The following FAT1 variants were observed in gnomAD, a reference collection of about 807,000 sequenced individuals.
FAT1 encodes the protein FAT atypical cadherin 1, also known as protocadherin Fat 1.
FAT1 carries 171 observed loss-of-function variants against 329.8 expected under a neutral mutation model. That is an observed-to-expected ratio of 0.52 (90% confidence interval 0.46 to 0.59). The LOEUF (loss-of-function observed/expected upper bound fraction) is 0.59, where lower values mean the gene tolerates loss of function less well. Ranked by LOEUF, FAT1 falls within the 20% of genes least tolerant of loss-of-function variation. FAT1 has a pLI of 0.00. For missense variants in FAT1, 5,672 were observed against 5,774.4 expected, an observed-to-expected ratio of 0.98 and a Z score of 0.57; for synonymous variants, 2,233 against 2,228.6, an observed-to-expected ratio of 1.00 and a Z score of -0.06.
rs754953243 is a variant in FAT1 at position 186,613,325 on chromosome 4, T to A, written c.9247A>T (p.Thr3083Ser). ...GCTTGCTCCTCACGATCAAGGGGGG[T>A]TGACGTTTTCAGTTCACCTACAAAC... Reference protein sequence around the residue: ...NPDTGELKTSTPLDREEQAVY... With the variant: ...NPDTGELKTSSPLDREEQAVY... The change falls in exon 13 of 27, where the codon ACC (threonine) becomes TCC (serine). Residue 3083 changes from threonine to serine, a missense_variant. Thr to Ser is a moderately conservative substitution (Grantham distance 58, BLOSUM62 1). Coordinates refer to ENST00000441802, the MANE Select transcript of FAT1 (RefSeq NM_005245.4). 6.2e-7 allele frequency: 1 copy of A among 1,613,786 alleles called. No homozygotes were observed. Among genetic ancestry groups the A allele is most frequent in the Non-Finnish European group, 8.5e-7 (1 of 1,179,806 alleles).
chr4:186,652,672 T>C (rs1741720512), intron 3 of FAT1, among the ~76,000 whole-genome samples: 1 of 152,190 alleles, frequency 6.6e-6, no homozygotes, highest in Admixed American at 6.5e-5. Flanking sequence ...GAAATGCGAC[T>C]GGCCCGTCCT....
rs1738972220 is a variant in FAT1, at chr4:186,604,062, C to T, written c.10549-85G>A. On this transcript the variant is annotated intron_variant, in intron 18 of 26. Coordinates refer to ENST00000441802, the MANE Select transcript of FAT1 (RefSeq NM_005245.4). ...TAAAAACATTTGTATTACTCAAGTT[C>T]CCAAAAAATTACTAACTGGTAGATA... 12 of 1,074,984 alleles carry T rather than the reference C, an allele frequency of 1.1e-5. No individual in the cohort carries two copies. The South Asian group carries it at 1.6e-4, about 14-fold the overall frequency. The allele number at this position is 1,074,984 out of a possible 1,614,324, so 66.6% of individuals were successfully genotyped here.
rs2126508070 is a variant in FAT1, at chr4:186,619,682, C to T, written c.6904G>A (p.Val2302Ile). The T allele has an allele frequency of 6.2e-7, 1 of 1,613,996 alleles. No individual in the cohort carries two copies. Among genetic ancestry groups the T allele is most frequent in the Non-Finnish European group, 8.5e-7 (1 of 1,179,902 alleles). ...LSEASVIGTS[V>I]VQVRATDSDS... ...GAATCGGTGGCTCTAACTTGAACAA[C>T]AGACGTTCCAATTACAGATGCCTCA... Residue 2302 changes from valine (V) to isoleucine (I), a missense_variant, in exon 10 of 27, where the codon GTT becomes ATT. By Grantham distance (29) the Val-to-Ile change is conservative (BLOSUM62 3). Transcript: ENST00000441802.
chr4:186,627,776 G>A (rs1740385716), intron 9 of FAT1, among the ~76,000 whole-genome samples: 1 of 152,208 alleles, frequency 6.6e-6, no homozygotes, highest in Non-Finnish European at 1.5e-5. Context: ...ACAAAAAAGT[G>A]AAACGTTAAA....
At chr4:186,696,028 T>C (rs900375148) in intron 2 of FAT1, among the ~76,000 whole-genome samples, 1 of 152,220 alleles carries the variant, frequency 6.6e-6, no homozygotes, top group Non-Finnish European at 1.5e-5. Context: ...TGACCTCAGA[T>C]GATCCGCCCG....
chr4:186,684,766 T>C (rs1743387642), intron 2 of FAT1, among the ~76,000 whole-genome samples: 2 of 152,044 alleles, frequency 1.3e-5, no homozygotes, highest in Non-Finnish European at 1.5e-5. Context: ...GTAACAATTG[T>C]TTTAATTTAA....
Position 186,687,841 on chromosome 4 carries a change from T to C in FAT1, c.3265+18722A>G, listed in dbSNP as rs373114303. On this transcript the variant is annotated intron_variant, in intron 2 of 26. Transcript: ENST00000441802. The stretch of plus-strand genomic sequence containing the variant: ...TATAGCAGAAGGCAGTCAACAAAAC[T>C]ACACGTTCAGTAAATGTTTTCTGTT... 5.3e-5 allele frequency among the ~76,000 whole-genome samples: 8 copies of C among 152,248 alleles called. No homozygotes were observed. In the East Asian group the frequency reaches 9.7e-4, roughly 18 times the overall value.
chr4:186,633,477 A>T lies in FAT1; in HGVS notation c.4323+207T>A, dbSNP rs536672948. 1.5e-3 allele frequency among the ~76,000 whole-genome samples: 221 copies of T among 152,294 alleles called. 2 individuals are homozygous for T. The highest frequency in any genetic ancestry group is 2.5e-3 in the Non-Finnish European group (172 of 68,026). On this transcript the variant is annotated intron_variant, in intron 7 of 26. Transcript: ENST00000441802. ...TTGAAGTCTTCTCTCAAAATTCTCA[A>T]AACTGCTTAATTATATGCAAAACCC...
chr4:186,720,838 T>C (rs1205085972), intron 1 of FAT1, among the ~76,000 whole-genome samples: 1 of 152,148 alleles, frequency 6.6e-6, no homozygotes, highest in African/African-American at 2.4e-5. Context: ...GGCAGGACTG[T>C]GTTGGGGAGG....
intron 21 of FAT1, among the ~76,000 whole-genome samples, 176 bp downstream of exon 21, chr4:186,601,093 A>G (rs545352334): frequency 6.6e-6 from 1 of 152,368 alleles, no homozygotes; most frequent in South Asian, 2.1e-4. Context: ...GCAGGGCAAA[A>G]AGAGCTCTTC....
At chr4:186,699,477 T>A (rs1445494792) in intron 2 of FAT1, among the ~76,000 whole-genome samples, 3 of 152,176 alleles carry the variant, frequency 2.0e-5, no homozygotes, top group Non-Finnish European at 2.9e-5. Context: ...TTGATAAGAC[T>A]GGCCCTTGAA....
At chr4:186,662,477 A>G (rs923754119) in intron 3 of FAT1, among the ~76,000 whole-genome samples, 1 of 152,176 alleles carries the variant, frequency 6.6e-6, no homozygotes, top group Non-Finnish European at 1.5e-5. Context: ...AAATATTAGA[A>G]GCAAAAGGCC....
chr4:186,634,225 T>A (rs1424287285), intron 6 of FAT1, among the ~76,000 whole-genome samples: 1 of 152,154 alleles, frequency 6.6e-6, no homozygotes, highest in Non-Finnish European at 1.5e-5. Context: ...ATTGACCTAA[T>A]AAAATAGCTA....
chr4:186,624,617 A>C (rs915369686), intron 9 of FAT1, among the ~76,000 whole-genome samples: 1 of 152,332 alleles, frequency 6.6e-6, no homozygotes, highest in Admixed American at 6.5e-5. Flanking sequence ...TACTGAAAAT[A>C]TCTCTTAATT....
intron 9 of FAT1, among the ~76,000 whole-genome samples, 172 bp downstream of exon 9, chr4:186,627,981 TA>T (rs146547583): frequency 9.0e-4 from 132 of 146,006 alleles, no homozygotes; most frequent in African/African-American, 9.0e-4. Context: ...GGCTAAAAGT[TA>T]AAAAAAAAAA....
chr4:186,658,247 AAAC>A lies in FAT1; in HGVS notation c.3580+5049_3580+5051del, dbSNP rs1385107003. Among the ~76,000 whole-genome samples the A allele has an allele frequency of 2.6e-5, 4 of 152,236 alleles. No homozygotes were observed. The East Asian group carries it at 7.7e-4, about 29-fold the overall frequency. On this transcript the variant is annotated intron_variant, in intron 3 of 26. Transcript: ENST00000441802. The stretch of plus-strand genomic sequence containing the variant: ...GAAAACCCACTGCCCCCCTACTTGC[AAAC>A]AATATAATAAGAATGTCTGAAATGC...
At chr4:186,689,223 T>G (rs1302547963) in intron 2 of FAT1, among the ~76,000 whole-genome samples, 5 of 152,330 alleles carry the variant, frequency 3.3e-5, no homozygotes, top group Non-Finnish European at 4.4e-5. Context: ...GTCATATACT[T>G]TCACATAAAG....
chr4:186,674,646 G>A (rs1237452736), intron 2 of FAT1, among the ~76,000 whole-genome samples: 2 of 152,024 alleles, frequency 1.3e-5, no homozygotes, highest in Non-Finnish European at 2.9e-5. Flanking sequence ...GTGTGACCAG[G>A]CCCATTTAGG....
chr4:186,723,155 A>G (rs1451601853), intron 1 of FAT1, among the ~76,000 whole-genome samples: 1 of 152,246 alleles, frequency 6.6e-6, no homozygotes, highest in African/African-American at 2.4e-5. Flanking sequence ...CATTGTGCAG[A>G]TGTTCAGCCC....
Sources: allele counts gnomAD v4.1 joint callset (sites outside exome capture counted in the v4.1 genomes callset), GRCh38; gene constraint gnomAD v4.1.1; transcripts MANE v1.5; gene names NCBI Gene and HGNC (gene_info 2026-07-23, HGNC 2026-07-21).